The following RAB3GAP2 variants were observed in gnomAD, a reference collection of about 807,000 sequenced individuals.
The protein encoded by RAB3GAP2 is rab3 GTPase-activating protein non-catalytic subunit.
A neutral mutation model predicts 185.3 loss-of-function variants in RAB3GAP2; 87 were observed. That is an observed-to-expected ratio of 0.47 (90% CI 0.39 to 0.56). The LOEUF is 0.56. RAB3GAP2 is among the 20% of genes least tolerant of loss of function. The pLI, the probability that RAB3GAP2 is intolerant of heterozygous loss-of-function variation, is 0.00. For missense variants in RAB3GAP2, 1,492 were observed against 1,638.2 expected (o/e 0.91, Z 1.54); for synonymous variants, 554 against 576.1 (o/e 0.96, Z 0.55).
In RAB3GAP2 at chr1:220,182,774, T is replaced by C. The variant is rs771222428; in HGVS notation, c.2156A>G (p.Tyr719Cys). ...PVKTFLEYLE[Y>C]EKDVLNIKKI... Reference sequence around the variant, plus strand: ...CTTTATGTTGAGCACATCCTTTTCATATTCTAAATATTCCAAGAATGTTTT... The same window carrying C: ...CTTTATGTTGAGCACATCCTTTTCACATTCTAAATATTCCAAGAATGTTTT... The change falls in exon 20 of 35, where the codon TAT (tyrosine) becomes TGT (cysteine). Residue 719 changes from tyrosine to cysteine, a missense_variant. Transcript: ENST00000358951. 1.2e-6 allele frequency: 2 copies of C among 1,612,634 alleles called. No homozygotes were observed. Among genetic ancestry groups the C allele is most frequent in the Admixed American group, 1.7e-5 (1 of 59,984 alleles).
intron 9 of RAB3GAP2, among the ~76,000 whole-genome samples, chr1:220,198,159 C>T (rs897276988): frequency 2.0e-5 from 3 of 152,170 alleles, no homozygotes; most frequent in Non-Finnish European, 4.4e-5. Flanking sequence ...TCCCTACACT[C>T]GTTTCCCCCT....
At chr1:220,255,717 A>G (rs1238150155) in intron 1 of RAB3GAP2, among the ~76,000 whole-genome samples, 1 of 152,230 alleles carries the variant, frequency 6.6e-6, no homozygotes. Context: ...TAAGACAGTC[A>G]GACAAGAATA....
chr1:220,185,626 C>G (rs1213077063), intron 18 of RAB3GAP2, 25 bp downstream of exon 18: 1 of 1,551,380 alleles, frequency 6.4e-7, no homozygotes, highest in Non-Finnish European at 8.9e-7. Context: ...AGAACATAAC[C>G]TCCAATCAGT....
chr1:220,210,539 C>G, intron 6 of RAB3GAP2, 50 bp from the exon 7 acceptor site: 5 of 1,411,638 alleles, frequency 3.5e-6, no homozygotes, highest in Non-Finnish European at 5.0e-6. Flanking sequence ...ACCAATATAC[C>G]TTAGCAGGTA....
rs570323092 is a variant in RAB3GAP2, at chr1:220,212,111, T to C, written c.386+776A>G. 3.9e-5 allele frequency among the ~76,000 whole-genome samples: 6 copies of C among 152,318 alleles called. No individual in the cohort carries two copies. In the East Asian group the frequency reaches 1.2e-3, roughly 29 times the overall value. On this transcript the variant is annotated intron_variant, in intron 4 of 34. Transcript: ENST00000358951. ...CATCATGTCACCATACTGGATATCA[T>C]GGTTACAAAAGCTTTACTGGGTCAG... is the stretch of plus-strand genomic sequence containing the variant.
intron 24 of RAB3GAP2, among the ~76,000 whole-genome samples, chr1:220,168,288 C>T (rs1171405831): frequency 1.3e-5 from 2 of 152,010 alleles, no homozygotes; most frequent in Non-Finnish European, 2.9e-5. Context: ...GATGGGGTTT[C>T]GCCATGTTGG....
intron 21 of RAB3GAP2, among the ~76,000 whole-genome samples, chr1:220,176,208 A>G (rs955860248): frequency 6.6e-6 from 1 of 152,186 alleles, no homozygotes; most frequent in Admixed American, 6.5e-5. Flanking sequence ...GCCACATTAC[A>G]TTATTCATAA....
rs1461801228 is a variant in RAB3GAP2, at chr1:220,255,359, G to A, written c.115+16864C>T. Among the ~76,000 whole-genome samples the A allele has an allele frequency of 2.6e-5, 4 of 152,162 alleles. 1 individual carries two copies. Among genetic ancestry groups the A allele is most frequent in the African/African-American group, 4.8e-5 (2 of 41,432 alleles). On this transcript the variant is annotated intron_variant, in intron 1 of 34. Transcript: ENST00000358951. The stretch of plus-strand genomic sequence containing the variant: ...TACAAAAGCACTGAAAACTCAAAAA[G>A]TCAGAGTTCCTCTTCTCTAAATGAC...
intron 8 of RAB3GAP2, among the ~76,000 whole-genome samples, chr1:220,203,561 T>G (rs1468546432): frequency 1.3e-5 from 2 of 152,298 alleles, no homozygotes; most frequent in East Asian, 3.9e-4. Context: ...CTTTATGGTC[T>G]TATATACAAC....
At chr1:220,248,556 A>C (rs1659861873) in intron 1 of RAB3GAP2, among the ~76,000 whole-genome samples, 1 of 152,130 alleles carries the variant, frequency 6.6e-6, no homozygotes, top group Admixed American at 6.5e-5. Context: ...AATCGTTCCC[A>C]AATTAATATA....
chr1:220,271,496 T>C (rs376637031), intron 1 of RAB3GAP2, among the ~76,000 whole-genome samples: 2 of 152,236 alleles, frequency 1.3e-5, no homozygotes, highest in Admixed American at 6.5e-5. Context: ...AACACTTTGA[T>C]GATAAAAATA....
chr1:220,153,283 C>T lies in RAB3GAP2; in HGVS notation c.3769G>A (p.Val1257Met). 1 of 1,614,176 alleles carries T rather than the reference C, an allele frequency of 6.2e-7. No individual in the cohort carries two copies. Among genetic ancestry groups the T allele is most frequent in the Non-Finnish European group, 8.5e-7 (1 of 1,179,990 alleles). ...GKDQDWPALA[V>M]DLAHHLQVSE... The stretch of plus-strand genomic sequence containing the variant: ...ACTTGAAGGTGATGGGCTAAATCCA[C>T]AGCTAGAGCTGGCCAATCTTGGTCT... The change falls in exon 33 of 35, where the codon GTG (valine) becomes ATG (methionine). Residue 1257 changes from valine (V) to methionine (M), a missense_variant. Around this residue, in one of 5 missense-constraint regions of RAB3GAP2, gnomAD observed 387 missense variants for 455.3 expected, o/e 0.85. Transcript: ENST00000358951.
intron 9 of RAB3GAP2, among the ~76,000 whole-genome samples, chr1:220,199,363 G>A (rs781514625): frequency 6.6e-6 from 1 of 152,172 alleles, no homozygotes; most frequent in Non-Finnish European, 1.5e-5. Flanking sequence ...ATTTTAGACA[G>A]CAGGGGGTGA....
chr1:220,210,271 GCTAA>G (rs2102880084), intron 7 of RAB3GAP2, 113 bp downstream of exon 7: 1 of 801,000 alleles, frequency 1.2e-6, no homozygotes, highest in South Asian at 1.3e-5. Flanking sequence ...TGATAGCAGA[GCTAA>G]CTAACTGTGC....
chr1:220,272,033 G>C (rs1199018245), intron 1 of RAB3GAP2, among the ~76,000 whole-genome samples, 190 bp downstream of exon 1: 3 of 151,840 alleles, frequency 2.0e-5, no homozygotes, highest in Non-Finnish European at 2.9e-5. Flanking sequence ...TGGGTCGAGA[G>C]GAAGACAACA....
chr1:220,153,725 A>G (rs1288466192), intron 32 of RAB3GAP2: 2 of 461,180 alleles, frequency 4.3e-6, no homozygotes, highest in Non-Finnish European at 7.8e-6. Context: ...TACATTAGGT[A>G]TATCTCCTAA....
Position 220,193,248 on chromosome 1 carries a change from ATGCGTAT to A in RAB3GAP2, c.1255_1261del (p.Ile419CysfsTer16). On this transcript the variant is annotated frameshift_variant, in exon 13 of 35. Transcript: ENST00000358951. LOFTEE classifies it high-confidence loss of function. The stretch of plus-strand genomic sequence containing the variant: ...ATTTTTGTAAGAAGTACCTTTCCAC[ATGCGTAT>A]TGCAATTCCTCTAGCTACATCCAAT... 2 of 1,613,996 alleles carry A rather than the reference ATGCGTAT, an allele frequency of 1.2e-6. No individual in the cohort carries two copies. The highest frequency in any genetic ancestry group is 1.7e-6 in the Non-Finnish European group (2 of 1,179,926).
intron 1 of RAB3GAP2, among the ~76,000 whole-genome samples, chr1:220,253,345 C>A (rs1042971455): frequency 6.6e-6 from 1 of 152,190 alleles, no homozygotes; most frequent in Non-Finnish European, 1.5e-5. Context: ...CTGGTGATAC[C>A]TCCAGGTACA....
chr1:220,235,866 G>T (rs1659581214), intron 1 of RAB3GAP2, among the ~76,000 whole-genome samples: 1 of 152,152 alleles, frequency 6.6e-6, no homozygotes, highest in Non-Finnish European at 1.5e-5. Flanking sequence ...CTTTATACAA[G>T]ATATTTAGGT....
Sources: allele counts gnomAD v4.1 joint callset (sites outside exome capture counted in the v4.1 genomes callset), GRCh38; gene constraint gnomAD v4.1.1; regional missense constraint gnomAD v4.1.1; transcripts MANE v1.5; gene names NCBI Gene and HGNC (gene_info 2026-07-23, HGNC 2026-07-21).